Variants in CPLANE1 observed in about 807,000 individuals in gnomAD.
The protein encoded by CPLANE1 is ciliogenesis and planar polarity effector 1.
In CPLANE1, 263 loss-of-function variants were observed where a neutral mutation model predicts 362.5. That is an observed-to-expected ratio of 0.73 (90% CI 0.66 to 0.80). The LOEUF is 0.80. CPLANE1 is among the 30% of genes least tolerant of loss of function. The pLI is 0.00. For missense variants in CPLANE1, 3,461 were observed against 3,793.4 expected (o/e 0.91, Z 2.30); for synonymous variants, 1,212 against 1,302.6 (o/e 0.93, Z 1.50).
At chr5:37,204,410 C>G (rs1181308428) in intron 18 of CPLANE1, among the ~76,000 whole-genome samples, 1 of 152,168 alleles carries the variant, frequency 6.6e-6, no homozygotes, top group African/African-American at 2.4e-5. Flanking sequence ...ATTTCTCCAA[C>G]TGTAAAACAG....
chr5:37,081,537 G>C, the CPLANE1 span, among the ~76,000 whole-genome samples: 1 of 151,898 alleles, frequency 6.6e-6, no homozygotes, highest in Non-Finnish European at 1.5e-5. Flanking sequence ...TGGCCAGGCT[G>C]GTCTCGAACT....
In CPLANE1 at chr5:37,153,812, T is replaced by G. The variant is rs750696188; in HGVS notation, c.8301A>C (p.Ala2767=). The G allele has an allele frequency of 4.3e-6, 7 of 1,614,146 alleles. No individual in the cohort carries two copies. The highest frequency in any genetic ancestry group is 5.9e-6 in the Non-Finnish European group (7 of 1,180,020). ...KLQKIDEQLL[A]IQNIAENIEQ... is the part of the protein sequence containing the mutation. ...CTATGTTTTCAGCAATGTTCTGTAT[T>G]GCTAGCAACTGCTCGTCAATTTTCT... Residue 2767 remains alanine (A), a synonymous_variant, in exon 42 of 53, where the codon GCA becomes GCC. Coordinates refer to ENST00000651892, the MANE Select transcript of CPLANE1 (RefSeq NM_001384732.1).
intron 3 of CPLANE1, 27 bp downstream of exon 3, chr5:37,245,683 C>T: frequency 5.4e-6 from 8 of 1,472,344 alleles, no homozygotes; most frequent in South Asian, 4.4e-5. Context: ...TAGTTTTAGC[C>T]ATTTGAAAAT....
At chr5:37,202,413 A>G (rs1023105429) in intron 18 of CPLANE1, among the ~76,000 whole-genome samples, 4 of 152,124 alleles carry the variant, frequency 2.6e-5, no homozygotes, top group Non-Finnish European at 5.9e-5. Flanking sequence ...CTAGCCTCCT[A>G]AAGTCCTGGG....
chr5:37,153,441 T>A (rs967986404), intron 42 of CPLANE1, among the ~76,000 whole-genome samples: 3 of 152,158 alleles, frequency 2.0e-5, no homozygotes, highest in African/African-American at 7.2e-5. Context: ...TGATTTTGGC[T>A]CCCAGGAACA....
chr5:37,104,080 T>A (rs1757425501), downstream of CPLANE1, among the ~76,000 whole-genome samples: 1 of 152,236 alleles, frequency 6.6e-6, no homozygotes, highest in Admixed American at 6.5e-5. Flanking sequence ...CTCTTTTCTT[T>A]ATTTTTGTCT....
chr5:37,083,874 A>C, the CPLANE1 span, among the ~76,000 whole-genome samples: 1 of 152,244 alleles, frequency 6.6e-6, no homozygotes, highest in East Asian at 1.9e-4. Context: ...TAATCGAGGA[A>C]AATTTCCCTG....
chr5:37,108,482 A>T lies in CPLANE1; in HGVS notation c.9401-11T>A. On this transcript the variant is annotated splice_polypyrimidine_tract_variant and intron_variant, in intron 51 of 52. Coordinates refer to ENST00000651892, the MANE Select transcript of CPLANE1 (RefSeq NM_001384732.1). The stretch of plus-strand genomic sequence containing the variant: ...ACGGAGCATTAGAGCCTTTTAAGGG[A>T]TAAGAACAAAGCACACATTGGGATT... 1.2e-6 allele frequency: 2 copies of T among 1,606,040 alleles called. No homozygotes were observed. Among genetic ancestry groups the T allele is most frequent in the Non-Finnish European group, 1.7e-6 (2 of 1,177,134 alleles).
In CPLANE1 at chr5:37,169,132, C is replaced by T. The variant is rs764501132; in HGVS notation, c.6892G>A (p.Val2298Ile). The change falls in exon 34 of 53, where the codon GTT becomes ATT. Residue 2298 changes from valine to isoleucine, a missense_variant. Coordinates refer to ENST00000651892, the MANE Select transcript of CPLANE1 (RefSeq NM_001384732.1). ...QYNTEARKKE[V>I]EQKTWAETVI... Reference sequence around the variant, plus strand: ...GTTTCTGCCCACGTCTTCTGCTCAACTTCTTTTTTTCTGGCTTCAGTGTTA... The same window carrying T: ...GTTTCTGCCCACGTCTTCTGCTCAATTTCTTTTTTTCTGGCTTCAGTGTTA... 1 of 1,614,184 alleles carries T rather than the reference C, an allele frequency of 6.2e-7. No individual in the cohort carries two copies. Among genetic ancestry groups the T allele is most frequent in the Non-Finnish European group, 8.5e-7 (1 of 1,180,032 alleles).
chr5:37,123,005 T>C (rs1763097351), intron 47 of CPLANE1, among the ~76,000 whole-genome samples: 2 of 152,246 alleles, frequency 1.3e-5, no homozygotes, highest in African/African-American at 4.8e-5. Context: ...TTGGCTGCAC[T>C]AAAAATGGAA....
intron 27 of CPLANE1, 55 bp downstream of exon 27, chr5:37,180,802 A>G: frequency 1.3e-6 from 2 of 1,548,748 alleles, no homozygotes; most frequent in Non-Finnish European, 1.8e-6. Context: ...TTAAGCCCAA[A>G]TGCCATCAAA....
At chr5:37,087,336 C>T in the CPLANE1 span, among the ~76,000 whole-genome samples, 1 of 152,184 alleles carries the variant, frequency 6.6e-6, no homozygotes, top group Non-Finnish European at 1.5e-5. Flanking sequence ...GAAATGTCGC[C>T]TGCCTTACTG....
At chr5:37,076,629 C>A in the CPLANE1 span, among the ~76,000 whole-genome samples, 2 of 151,978 alleles carry the variant, frequency 1.3e-5, no homozygotes, top group East Asian at 1.9e-4. Flanking sequence ...ACTCTTGCCA[C>A]TCACCAATCA....
At chr5:37,077,160 T>C in the CPLANE1 span, among the ~76,000 whole-genome samples, 3 of 152,244 alleles carry the variant, frequency 2.0e-5, no homozygotes, top group South Asian at 6.2e-4. Context: ...GCTTGGGGTA[T>C]AGGTGCTAGG....
intron 19 of CPLANE1, 84 bp downstream of exon 19, chr5:37,201,507 T>A: frequency 8.8e-7 from 1 of 1,136,448 alleles, no homozygotes; most frequent in South Asian, 1.5e-5. Context: ...ATTTTTAACC[T>A]GATGATTATT....
intron 42 of CPLANE1, among the ~76,000 whole-genome samples, chr5:37,149,861 T>C (rs1028949155): frequency 2.6e-5 from 4 of 152,244 alleles, no homozygotes; most frequent in African/African-American, 9.6e-5. Context: ...ACCACAATTA[T>C]AAATAACTGT....
chr5:37,118,505 T>C (rs1196790616), intron 50 of CPLANE1, among the ~76,000 whole-genome samples: 1 of 152,044 alleles, frequency 6.6e-6, no homozygotes, highest in Non-Finnish European at 1.5e-5. Context: ...GGCAGCATAC[T>C]GAAGTGTTGG....
Position 37,226,443 on chromosome 5 carries a change from T to C in CPLANE1, c.2152A>G (p.Lys718Glu). Residue 718 changes from lysine to glutamate, a missense_variant, in exon 12 of 53, where the codon AAA becomes GAA. Physicochemically the swap from Lys to Glu is moderately conservative, Grantham distance 56. Around this residue, in one of 2 missense-constraint regions of CPLANE1, gnomAD observed 3,380 missense variants for 3,666.1 expected, o/e 0.92. Coordinates refer to ENST00000651892, the MANE Select transcript of CPLANE1 (RefSeq NM_001384732.1). ...ACCAATGAGTCTTGAGCTGTTATTT[T>C]ACTTCCATCAGCTGATGCTGAAATA... Reference protein sequence around the residue: ...EVISASADGSKITAQDSLVVP... With the variant: ...EVISASADGSEITAQDSLVVP... The C allele has an allele frequency of 6.4e-7, 1 of 1,551,340 alleles. No individual in the cohort carries two copies. The highest frequency in any genetic ancestry group is 8.7e-7 in the Non-Finnish European group (1 of 1,146,824).
chr5:37,201,843 G>A (rs1789276301), intron 18 of CPLANE1, 35 bp from the exon 19 acceptor site: 1 of 1,443,736 alleles, frequency 6.9e-7, no homozygotes, highest in South Asian at 1.2e-5. Context: ...AATAGTTAAA[G>A]CTTGTATTAA....
Sources: allele counts gnomAD v4.1 joint callset (sites outside exome capture counted in the v4.1 genomes callset), GRCh38; gene constraint gnomAD v4.1.1; regional missense constraint gnomAD v4.1.1; transcripts MANE v1.5; gene names NCBI Gene and HGNC (gene_info 2026-07-23, HGNC 2026-07-21).